ZBTB16: variants seen among roughly 807,000 people sequenced by gnomAD.
The protein encoded by ZBTB16 is zinc finger and BTB domain containing 16, also known as zinc finger and BTB domain-containing protein 16.
Under a neutral mutation model 56.8 loss-of-function variants are expected in ZBTB16, and 8 were observed. The observed-to-expected ratio is 0.14, with a 90% CI of 0.08 to 0.25. ZBTB16 has a LOEUF of 0.25. Ranked by LOEUF, ZBTB16 falls within the 10% of genes least tolerant of loss-of-function variation. The probability of loss-of-function intolerance (pLI) is 1.00; values close to 1 mark genes in which losing one functional copy is unlikely to be tolerated. For synonymous variants in ZBTB16, 363 were observed against 368.5 expected, an observed-to-expected ratio of 0.98 and a Z score of 0.17; for missense variants, 625 against 903.0, an observed-to-expected ratio of 0.69 and a Z score of 3.95.
At position 114,207,002 on chromosome 11, in the gene ZBTB16, C is replaced by T. The variant is rs551034563; in HGVS notation, c.1453+19964C>T. ...TTTATCACATAAGACCCCAGGATGG[C>T]GGCATGCTCTGTTTTTGAACGACTG... On this transcript the variant is annotated intron_variant, in intron 4 of 6. Transcript: ENST00000335953. 7.9e-5 allele frequency among the ~76,000 whole-genome samples: 12 copies of T among 152,212 alleles called. 1 individual carries two copies. In the South Asian group the frequency reaches 8.3e-4, roughly 11 times the overall value.
chr11:114,237,777 T>G (rs1944621615), intron 4 of ZBTB16, among the ~76,000 whole-genome samples: 1 of 152,240 alleles, frequency 6.6e-6, no homozygotes, highest in Admixed American at 6.5e-5. Flanking sequence ...TTAACTCGCA[T>G]GCACCAATAG....
chr11:114,139,997 G>A (rs935376502), intron 2 of ZBTB16, among the ~76,000 whole-genome samples: 4 of 152,114 alleles, frequency 2.6e-5, no homozygotes, highest in African/African-American at 9.7e-5. Context: ...TCCGTCCTCG[G>A]TCAAGAACGA....
chr11:114,162,269 C>G (rs1224252637), intron 3 of ZBTB16, among the ~76,000 whole-genome samples: 1 of 152,220 alleles, frequency 6.6e-6, no homozygotes, highest in African/African-American at 2.4e-5. Flanking sequence ...TGGCAAAGAT[C>G]TGTGGCTTGT....
intron 2 of ZBTB16, among the ~76,000 whole-genome samples, chr11:114,104,187 G>A (rs1244414269): frequency 6.6e-6 from 1 of 152,206 alleles, no homozygotes; most frequent in Non-Finnish European, 1.5e-5. Context: ...GTGAACGTGT[G>A]TAGAAAACTG....
chr11:114,238,683 G>T (rs1944645236), intron 4 of ZBTB16, among the ~76,000 whole-genome samples: 1 of 151,880 alleles, frequency 6.6e-6, no homozygotes, highest in African/African-American at 2.4e-5. Flanking sequence ...GCACTGCATT[G>T]CCTGTAGAAT....
In ZBTB16 at chr11:114,117,218, TAG is replaced by T. The variant is rs540174869; in HGVS notation, c.1269-39115_1269-39114del. Among the ~76,000 whole-genome samples the T allele has an allele frequency of 2.0e-5, 3 of 152,126 alleles. No homozygotes were observed. The South Asian group carries it at 6.2e-4, about 32-fold the overall frequency. On this transcript the variant is annotated intron_variant, in intron 2 of 6. Coordinates refer to ENST00000335953, the MANE Select transcript of ZBTB16 (RefSeq NM_006006.6). The stretch of plus-strand genomic sequence containing the variant: ...AGCTTGAGATGTATAAAGAGGTTGG[TAG>T]AGATAGTAGCTGGAGGTATGGTTGT...
At chr11:114,151,353 C>G (rs1020711838) in intron 2 of ZBTB16, among the ~76,000 whole-genome samples, 6 of 152,156 alleles carry the variant, frequency 3.9e-5, no homozygotes, top group Non-Finnish European at 7.3e-5. Context: ...GAGGATGGCT[C>G]AGTTAGGCTG....
chr11:114,092,525 C>T (rs73000948), intron 2 of ZBTB16, among the ~76,000 whole-genome samples: 20,887 of 152,184 alleles, frequency 0.14, 1,547 homozygotes, highest in Middle Eastern at 0.26. Context: ...GAGAAGACCC[C>T]GCTGTCCTCT....
At chr11:114,107,547 G>A (rs1465462039) in intron 2 of ZBTB16, among the ~76,000 whole-genome samples, 1 of 152,138 alleles carries the variant, frequency 6.6e-6, no homozygotes, top group East Asian at 1.9e-4. Flanking sequence ...TGATTTCTGA[G>A]CCTACCAAAG....
intron 2 of ZBTB16, among the ~76,000 whole-genome samples, chr11:114,106,214 T>C (rs1283626238): frequency 2.0e-5 from 3 of 152,050 alleles, no homozygotes; most frequent in African/African-American, 7.2e-5. Flanking sequence ...GCCGCAGGCC[T>C]TTCTGAAGTG....
intron 2 of ZBTB16, among the ~76,000 whole-genome samples, chr11:114,155,549 T>C (rs1366361331): frequency 6.6e-6 from 1 of 152,166 alleles, no homozygotes; most frequent in East Asian, 1.9e-4. Flanking sequence ...CCAGGGGTGA[T>C]AACATGGGCC....
chr11:114,140,246 A>G (rs991164718), intron 2 of ZBTB16, among the ~76,000 whole-genome samples: 1 of 152,144 alleles, frequency 6.6e-6, no homozygotes, highest in Non-Finnish European at 1.5e-5. Flanking sequence ...AAGCCCAGGC[A>G]TGAGCCCCCC....
chr11:114,244,371 G>T (rs1944774141), intron 5 of ZBTB16, among the ~76,000 whole-genome samples: 1 of 151,996 alleles, frequency 6.6e-6, no homozygotes, highest in African/African-American at 2.4e-5. Context: ...AGATTGGGGG[G>T]GGCGGGGTCA....
intron 2 of ZBTB16, among the ~76,000 whole-genome samples, chr11:114,149,067 T>G (rs1053212484): frequency 6.6e-6 from 1 of 152,184 alleles, no homozygotes; most frequent in African/African-American, 2.4e-5. Flanking sequence ...TGGACCCTTA[T>G]GCAGGAGATA....
intron 2 of ZBTB16, among the ~76,000 whole-genome samples, chr11:114,124,311 G>T (rs748697925): frequency 2.4e-4 from 36 of 152,002 alleles, no homozygotes; most frequent in Non-Finnish European, 5.1e-4. Flanking sequence ...GTGGCCATGT[G>T]TTCATGGCTA....
rs376333690 is a variant in ZBTB16, at chr11:114,159,609, C to T, written c.1366+3175C>T. On this transcript the variant is annotated intron_variant, in intron 3 of 6. Transcript: ENST00000335953. ...ATTGTTTGGCCACTGTTAAACAGGC[C>T]CTGGGGGCCTCTGGAGTGACCTGGA... Among the ~76,000 whole-genome samples, 10 of 152,168 alleles carry T rather than the reference C, an allele frequency of 6.6e-5. No homozygotes were observed. The East Asian group carries it at 1.5e-3, about 24-fold the overall frequency.
intron 2 of ZBTB16, among the ~76,000 whole-genome samples, chr11:114,118,562 A>G (rs2137797857): frequency 6.6e-6 from 1 of 152,234 alleles, no homozygotes; most frequent in South Asian, 2.1e-4. Context: ...GATTTATTTA[A>G]TTTATTTACC....
At chr11:114,177,177 A>G (rs562307408) in intron 3 of ZBTB16, among the ~76,000 whole-genome samples, 1 of 152,308 alleles carries the variant, frequency 6.6e-6, no homozygotes, top group South Asian at 2.1e-4. Flanking sequence ...TGTTTAAGCT[A>G]TCATATGAGG....
At chr11:114,192,870 C>T (rs972338095) in intron 4 of ZBTB16, among the ~76,000 whole-genome samples, 11 of 152,210 alleles carry the variant, frequency 7.2e-5, no homozygotes, top group African/African-American at 2.4e-4. Flanking sequence ...CAGCTTAATT[C>T]TGTCCATCCA....
Sources: allele counts gnomAD v4.1 joint callset (sites outside exome capture counted in the v4.1 genomes callset), GRCh38; gene constraint gnomAD v4.1.1; transcripts MANE v1.5; gene names NCBI Gene and HGNC (gene_info 2026-07-23, HGNC 2026-07-21).